Variants in PLCB4 observed in about 807,000 individuals in gnomAD.
PLCB4 encodes 1-phosphatidylinositol 4,5-bisphosphate phosphodiesterase beta-4.
Under a neutral mutation model 178.8 loss-of-function variants are expected in PLCB4, and 77 were observed. The ratio of observed to expected loss-of-function variants is 0.43; its 90% CI spans 0.36 to 0.52. PLCB4 has a LOEUF of 0.52. Ranked by LOEUF, PLCB4 falls within the 20% of genes least tolerant of loss-of-function variation. PLCB4 has a pLI of 0.00. For synonymous variants in PLCB4, 496 were observed against 490.8 expected (o/e 1.01, Z -0.14); for missense variants, 1,024 against 1,453.4 (o/e 0.70, Z 4.80).
At chr20:9,221,194 G>A (rs2093794342) in intron 3 of PLCB4, among the ~76,000 whole-genome samples, 1 of 152,078 alleles carries the variant, frequency 6.6e-6, no homozygotes, top group Admixed American at 6.6e-5. Flanking sequence ...GGGCAGAGTT[G>A]GGGGGTGCAG....
chr20:9,249,731 A>G (rs530807872), intron 3 of PLCB4, among the ~76,000 whole-genome samples: 32 of 152,276 alleles, frequency 2.1e-4, no homozygotes, highest in Non-Finnish European at 4.1e-4. Context: ...CCTAAACCAG[A>G]AATGATCTAT....
chr20:9,333,338 GA>G (rs2031977398), intron 4 of PLCB4, among the ~76,000 whole-genome samples: 3 of 152,080 alleles, frequency 2.0e-5, no homozygotes, highest in African/African-American at 7.2e-5. Context: ...CTGAGGAGGG[GA>G]TAATGAAGAC....
intron 7 of PLCB4, 30 bp from the exon 8 acceptor site, chr20:9,362,866 C>G (rs1458603462): frequency 1.3e-6 from 2 of 1,483,214 alleles, no homozygotes; most frequent in East Asian, 2.3e-5. Context: ...CAGATTTGCT[C>G]ACCAAGAATA....
At chr20:9,345,167 C>A (rs943091971) in intron 7 of PLCB4, among the ~76,000 whole-genome samples, 1 of 152,032 alleles carries the variant, frequency 6.6e-6, no homozygotes, top group African/African-American at 2.4e-5. Context: ...CCAGCCTGGG[C>A]GACAAGAGTG....
chr20:9,322,322 A>G (rs1568584550), intron 4 of PLCB4, among the ~76,000 whole-genome samples: 1 of 152,092 alleles, frequency 6.6e-6, no homozygotes, highest in Non-Finnish European at 1.5e-5. Context: ...GAAAGATTAT[A>G]ATATTTTCTT....
intron 7 of PLCB4, among the ~76,000 whole-genome samples, chr20:9,340,679 T>C (rs1467352422): frequency 6.6e-6 from 1 of 152,146 alleles, no homozygotes; most frequent in Admixed American, 6.5e-5. Context: ...AGCTCAAGTA[T>C]TGGGGCTTTG....
chr20:9,456,743 A>G (rs867244709), intron 33 of PLCB4, among the ~76,000 whole-genome samples: 1 of 152,244 alleles, frequency 6.6e-6, no homozygotes, highest in South Asian at 2.1e-4. Flanking sequence ...TGCTTCTCTC[A>G]CAGGAACTTG....
In PLCB4 at chr20:9,376,175, A is replaced by G. The variant is rs145292916; in HGVS notation, c.744+3071A>G. Among the ~76,000 whole-genome samples, 395 of 152,170 alleles carry G rather than the reference A, an allele frequency of 2.6e-3. 2 individuals carry two copies. The highest frequency in any genetic ancestry group is 8.1e-3 in the African/African-American group (336 of 41,524). On this transcript the variant is annotated intron_variant, in intron 12 of 39. Coordinates refer to ENST00000378473, the MANE Select transcript of PLCB4 (RefSeq NM_001377142.1). The stretch of plus-strand genomic sequence containing the variant: ...AGTATTTCCTTGTTCGTTGCTCCCC[A>G]AAGTGTGATCCATGGACCAGCAGCA...
chr20:9,441,170 G>A (rs763221439), intron 30 of PLCB4, among the ~76,000 whole-genome samples: 4 of 152,178 alleles, frequency 2.6e-5, no homozygotes, highest in Non-Finnish European at 5.9e-5. Flanking sequence ...TCATGGGGCC[G>A]GGCAGTGTGT....
At chr20:9,100,427 G>A (rs1314931180) in intron 2 of PLCB4, among the ~76,000 whole-genome samples, 2 of 152,130 alleles carry the variant, frequency 1.3e-5, no homozygotes, top group Admixed American at 6.6e-5. Flanking sequence ...AGGCTGGAGT[G>A]CAGTGGCATG....
intron 3 of PLCB4, among the ~76,000 whole-genome samples, chr20:9,272,721 C>T (rs558679829): frequency 5.9e-5 from 9 of 152,132 alleles, no homozygotes; most frequent in South Asian, 2.1e-4. Context: ...AGGGTGGGGA[C>T]GTGTGACAAA....
intron 35 of PLCB4, among the ~76,000 whole-genome samples, chr20:9,464,973 C>T (rs2043665783): frequency 6.6e-6 from 1 of 152,046 alleles, no homozygotes; most frequent in Non-Finnish European, 1.5e-5. Flanking sequence ...GGCAGAGGCA[C>T]AACAAAAAAA....
At chr20:9,188,293 G>A (rs560643016) in intron 2 of PLCB4, among the ~76,000 whole-genome samples, 4 of 152,320 alleles carry the variant, frequency 2.6e-5, no homozygotes, top group African/African-American at 9.6e-5. Context: ...AGCCCTATAG[G>A]TAACAATGGG....
chr20:9,375,200 T>A (rs2036571013), intron 12 of PLCB4, among the ~76,000 whole-genome samples: 1 of 152,174 alleles, frequency 6.6e-6, no homozygotes, highest in Admixed American at 6.6e-5. Context: ...GAGAACATTC[T>A]GCCTGTTCCT....
intron 3 of PLCB4, among the ~76,000 whole-genome samples, chr20:9,276,179 C>G (rs776729731): frequency 6.6e-6 from 1 of 152,064 alleles, no homozygotes; most frequent in Non-Finnish European, 1.5e-5. Context: ...GGGGTTGATG[C>G]AACTGCCACA....
chr20:9,404,081 T>G (rs1452703862), intron 20 of PLCB4, among the ~76,000 whole-genome samples: 1 of 152,170 alleles, frequency 6.6e-6, no homozygotes, highest in Non-Finnish European at 1.5e-5. Context: ...GAGTGTTTTC[T>G]TTTTCGGATG....
chr20:9,301,662 G>A (rs966156268), intron 3 of PLCB4, among the ~76,000 whole-genome samples: 8 of 152,032 alleles, frequency 5.3e-5, no homozygotes, highest in Non-Finnish European at 1.2e-4. Flanking sequence ...TGAATATTTG[G>A]CCCCTCGACA....
intron 25 of PLCB4, among the ~76,000 whole-genome samples, chr20:9,414,779 A>T (rs1047214205): frequency 6.6e-6 from 1 of 152,244 alleles, no homozygotes; most frequent in South Asian, 2.1e-4. Context: ...AATGGAAGAC[A>T]TTTCCCTAAT....
chr20:9,435,152 A>G (rs1271430695), intron 28 of PLCB4, among the ~76,000 whole-genome samples: 1 of 152,172 alleles, frequency 6.6e-6, no homozygotes, highest in African/African-American at 2.4e-5. Flanking sequence ...TTGAATTATC[A>G]TGATTATTCT....
Sources: allele counts gnomAD v4.1 joint callset (sites outside exome capture counted in the v4.1 genomes callset), GRCh38; gene constraint gnomAD v4.1.1; transcripts MANE v1.5; gene names NCBI Gene and HGNC (gene_info 2026-07-23, HGNC 2026-07-21).